LPCAT2: variants seen among roughly 807,000 people sequenced by gnomAD.
LPCAT2 encodes the protein 1-AGP acyltransferase 11.
In LPCAT2, 58 loss-of-function variants were observed where a neutral mutation model predicts 64.7. That is an observed-to-expected ratio of 0.90 (90% CI 0.73 to 1.12). The LOEUF (loss-of-function observed/expected upper bound fraction) is 1.12, where lower values mean the gene tolerates loss of function less well. Among genes scored for constraint, LPCAT2 ranks in the 50% most tolerant of loss-of-function variants. The pLI is 0.00. For synonymous variants in LPCAT2, 252 were observed against 245.3 expected (o/e 1.03, Z -0.26); for missense variants, 579 against 669.8 (o/e 0.86, Z 1.50).
At position 55,532,837 on chromosome 16, in the gene LPCAT2, A is replaced by G. The variant is rs776549521; in HGVS notation, c.717A>G (p.Pro239=). Residue 239 remains proline, a synonymous_variant, in exon 6 of 14, where the codon CCA becomes CCG. Coordinates refer to ENST00000262134, the MANE Select transcript of LPCAT2 (RefSeq NM_017839.5). The part of the protein sequence containing the change: ...LITFKPGAFI[P]GVPVQPVLLR... ...ATGTGGTTGCAGGAGCCTTCATTCC[A>G]GGAGTTCCAGTGCAGCCAGTCCTCC... 6.2e-7 allele frequency: 1 copy of G among 1,611,968 alleles called. No individual in the cohort carries two copies.
intron 12 of LPCAT2, among the ~76,000 whole-genome samples, chr16:55,575,622 G>A (rs1271176072): frequency 2.0e-5 from 3 of 152,102 alleles, no homozygotes; most frequent in Non-Finnish European, 4.4e-5. Context: ...CTTTCTTGGA[G>A]AAGAATGTCT....
intron 1 of LPCAT2, among the ~76,000 whole-genome samples, chr16:55,512,256 AG>A (rs1287404722): frequency 2.0e-5 from 3 of 152,238 alleles, no homozygotes; most frequent in Non-Finnish European, 4.4e-5. Flanking sequence ...TAACAGGACT[AG>A]TTTTAGTCTC....
intron 11 of LPCAT2, among the ~76,000 whole-genome samples, chr16:55,558,727 TA>T (rs1963603601): frequency 6.6e-6 from 1 of 152,188 alleles, no homozygotes; most frequent in Non-Finnish European, 1.5e-5. Context: ...GAAATGGCCA[TA>T]AAAATACATA....
chr16:55,527,416 G>T (rs1180637108), intron 2 of LPCAT2, among the ~76,000 whole-genome samples: 1 of 147,002 alleles, frequency 6.8e-6, no homozygotes, highest in Non-Finnish European at 1.5e-5. Flanking sequence ...GGAGGCAGAG[G>T]TTGCAGTGAG....
Position 55,532,812 on chromosome 16 carries a change from A to C in LPCAT2, c.704-12A>C. ...CATAAAAACACATTATAAACTTTCAATGTGGTTGCAGGAGCCTTCATTCCA... is the reference window on the plus strand; with the variant it reads ...CATAAAAACACATTATAAACTTTCACTGTGGTTGCAGGAGCCTTCATTCCA... On this transcript the variant is annotated splice_polypyrimidine_tract_variant and intron_variant, in intron 5 of 13. Transcript: ENST00000262134. 1 of 1,605,718 alleles carries C rather than the reference A, an allele frequency of 6.2e-7. No homozygotes were observed. Among genetic ancestry groups the C allele is most frequent in the Non-Finnish European group, 8.5e-7 (1 of 1,173,172 alleles).
At chr16:55,553,571 C>A (rs1963542567) in intron 11 of LPCAT2, among the ~76,000 whole-genome samples, 1 of 152,204 alleles carries the variant, frequency 6.6e-6, no homozygotes, top group Non-Finnish European at 1.5e-5. Flanking sequence ...TCTGCATTTA[C>A]TTGCTCCACT....
At chr16:55,540,369 T>G (rs1401502575) in intron 8 of LPCAT2, 1 of 152,286 alleles carries the variant, frequency 6.6e-6, no homozygotes, top group East Asian at 1.9e-4. Context: ...TCTTAAAGTA[T>G]CTTTTAGTCA....
chr16:55,543,960 C>G (rs1176353241), intron 8 of LPCAT2, among the ~76,000 whole-genome samples: 2 of 152,306 alleles, frequency 1.3e-5, no homozygotes, highest in South Asian at 4.1e-4. Flanking sequence ...TAATTCCATA[C>G]ATTTTATCTT....
chr16:55,550,245 T>C (rs1159744760), intron 10 of LPCAT2, among the ~76,000 whole-genome samples: 1 of 152,202 alleles, frequency 6.6e-6, no homozygotes, highest in African/African-American at 2.4e-5. Context: ...TGTTAGGTCA[T>C]TAGTTTAATT....
chr16:55,510,225 G>C (rs1962911558), intron 1 of LPCAT2, among the ~76,000 whole-genome samples: 1 of 152,098 alleles, frequency 6.6e-6, no homozygotes, highest in African/African-American at 2.4e-5. Flanking sequence ...ACCTAAAAAC[G>C]TTTCCTAAGT....
Position 55,585,673 on chromosome 16 carries a change from G to A in LPCAT2, c.*2575G>A, listed in dbSNP as rs1368802521. ...ATACTGACTGCTTACAGACCAAGTT[G>A]CTTGCATTTTGTATGTTTAGCCCTC... On this transcript the variant is annotated 3_prime_UTR_variant, in exon 14 of 14. Transcript: ENST00000262134. 1 of 152,162 alleles carries A rather than the reference G, an allele frequency of 6.6e-6. No individual in the cohort carries two copies. The highest frequency in any genetic ancestry group is 2.4e-5 in the African/African-American group (1 of 41,442). The allele number at this position is 152,162 out of a possible 1,614,324, so 9.4% of individuals were successfully genotyped here.
rs1596883890 is a variant in LPCAT2, at chr16:55,567,347, T to C, written c.1216-7284T>C. On this transcript the variant is annotated intron_variant, in intron 11 of 13. Transcript: ENST00000262134. The stretch of plus-strand genomic sequence containing the variant: ...TTTACCAAATGATTGTCCGCCGGTA[T>C]GCTAATGAAGATGGAGATATGGATT... 2.5e-6 allele frequency: 4 copies of C among 1,613,720 alleles called. No individual in the cohort carries two copies. In the African/African-American group the frequency reaches 4.0e-5, roughly 16 times the overall value.
At chr16:55,537,701 T>A in intron 8 of LPCAT2, 69 bp downstream of exon 8, 1 of 1,295,038 alleles carries the variant, frequency 7.7e-7, no homozygotes, top group Non-Finnish European at 1.1e-6. Flanking sequence ...ACCTCTAGTC[T>A]AGAGAGACCA....
chr16:55,536,476 A>G (rs536732089), intron 7 of LPCAT2, among the ~76,000 whole-genome samples: 7 of 152,324 alleles, frequency 4.6e-5, no homozygotes, highest in African/African-American at 1.4e-4. Flanking sequence ...TTTAGAGTTT[A>G]TAGATAGTAA....
chr16:55,510,688 C>T (rs979393476), intron 1 of LPCAT2, among the ~76,000 whole-genome samples: 1 of 152,150 alleles, frequency 6.6e-6, no homozygotes, highest in East Asian at 1.9e-4. Flanking sequence ...AGTAATACTG[C>T]TTTGTGAGGA....
At chr16:55,578,423 T>C (rs2142424664) in intron 12 of LPCAT2, among the ~76,000 whole-genome samples, 1 of 152,308 alleles carries the variant, frequency 6.6e-6, no homozygotes, top group East Asian at 1.9e-4. Flanking sequence ...TTGCCTAAAC[T>C]AGAAGATACC....
At chr16:55,538,917 A>G (rs1216560503) in intron 8 of LPCAT2, 3 of 152,120 alleles carry the variant, frequency 2.0e-5, no homozygotes, top group Non-Finnish European at 4.4e-5. Context: ...GCCTTATATC[A>G]TAATATTTCT....
chr16:55,534,425 A>G lies in LPCAT2; in HGVS notation c.763-18A>G. The G allele has an allele frequency of 6.7e-7, 1 of 1,503,450 alleles. No homozygotes were observed. Among genetic ancestry groups the G allele is most frequent in the Admixed American group, 1.8e-5 (1 of 56,600 alleles). The allele number at this position is 1,503,450 out of a possible 1,614,324, so 93.1% of individuals were successfully genotyped here. ...TTTTTCCTCCAGACCAACAGCTAAA[A>G]TAATTTTGTTATTATAGGATACTGT... On this transcript the variant is annotated intron_variant, in intron 6 of 13. Transcript: ENST00000262134.
At chr16:55,543,190 C>G (rs1275156025) in intron 8 of LPCAT2, among the ~76,000 whole-genome samples, 1 of 152,018 alleles carries the variant, frequency 6.6e-6, no homozygotes, top group Non-Finnish European at 1.5e-5. Flanking sequence ...CCTCCAAGGC[C>G]CATGGGTGTC....
Sources: allele counts gnomAD v4.1 joint callset (sites outside exome capture counted in the v4.1 genomes callset), GRCh38; gene constraint gnomAD v4.1.1; transcripts MANE v1.5; gene names NCBI Gene and HGNC (gene_info 2026-07-23, HGNC 2026-07-21).